IL1RAPL2: variants seen among roughly 807,000 people sequenced by gnomAD.
The protein encoded by IL1RAPL2 is interleukin 1 receptor accessory protein like 2, also known as X-linked interleukin-1 receptor accessory protein-like 2.
IL1RAPL2 carries 3 observed loss-of-function variants against 44.1 expected under a neutral mutation model. That is an observed-to-expected ratio of 0.07 (90% CI 0.03 to 0.18). The LOEUF (loss-of-function observed/expected upper bound fraction) is 0.18. Ranked by LOEUF, IL1RAPL2 falls within the 10% of genes least tolerant of loss-of-function variation. The pLI, the probability that IL1RAPL2 is intolerant of heterozygous loss-of-function variation, is 1.00. For synonymous variants in IL1RAPL2, 181 were observed against 178.8 expected, an observed-to-expected ratio of 1.01 and a Z score of -0.10; for missense variants, 391 against 496.4, an observed-to-expected ratio of 0.79 and a Z score of 2.02.
At chrX:105,618,772 A>G (rs1247419545) in intron 6 of IL1RAPL2, among the ~76,000 whole-genome samples, 1 of 112,277 alleles carries the variant, frequency 8.9e-6, no homozygotes, top group East Asian at 2.8e-4. Flanking sequence ...AGGGAATATC[A>G]GAGAATTATA....
chrX:104,844,629 A>G (rs1234526544), intron 2 of IL1RAPL2, among the ~76,000 whole-genome samples: 2 of 111,925 alleles, frequency 1.8e-5, no homozygotes, highest in African/African-American at 3.2e-5. Flanking sequence ...ACAGAAAACA[A>G]AAACACAAAA....
At chrX:105,531,689 G>T (rs2036637329) in intron 6 of IL1RAPL2, among the ~76,000 whole-genome samples, 1 of 111,696 alleles carries the variant, frequency 9.0e-6, no homozygotes, top group Non-Finnish European at 1.9e-5. Flanking sequence ...CATAGTTTGA[G>T]GTCTTAGATT....
chrX:105,133,073 A>G (rs778893895), intron 2 of IL1RAPL2, among the ~76,000 whole-genome samples: 3 of 112,187 alleles, frequency 2.7e-5, no homozygotes, highest in Admixed American at 9.4e-5. Context: ...TTTCTTTTAT[A>G]GCATCCACTG....
chrX:105,368,795 C>T (rs887144679), intron 5 of IL1RAPL2, among the ~76,000 whole-genome samples: 2 of 110,894 alleles, frequency 1.8e-5, no homozygotes, highest in African/African-American at 6.5e-5. Context: ...TTTCTCTCCT[C>T]CTTCGGGTAC....
chrX:105,300,204 T>C (rs893375277), intron 5 of IL1RAPL2, among the ~76,000 whole-genome samples: 7 of 111,283 alleles, frequency 6.3e-5, no homozygotes, highest in Middle Eastern at 9.2e-3. Flanking sequence ...GGGGGAAAAA[T>C]ACGTGAGACT....
At chrX:105,464,940 A>G (rs1470539861) in intron 5 of IL1RAPL2, among the ~76,000 whole-genome samples, 1 of 111,471 alleles carries the variant, frequency 9.0e-6, no homozygotes. Flanking sequence ...TATGGGGGAA[A>G]ATCAGAGTAC....
intron 6 of IL1RAPL2, among the ~76,000 whole-genome samples, chrX:105,574,621 T>C (rs909999844): frequency 2.7e-5 from 3 of 112,222 alleles, no homozygotes; most frequent in Middle Eastern, 4.6e-3. Context: ...TTCTTTTCCA[T>C]CAGGCAGAAA....
At chrX:105,749,795 A>G (rs1159077367) in intron 9 of IL1RAPL2, among the ~76,000 whole-genome samples, 1 of 111,984 alleles carries the variant, frequency 8.9e-6, no homozygotes, top group Non-Finnish European at 1.9e-5. Flanking sequence ...AATTTTTTTC[A>G]AGAGTACAAA....
chrX:105,406,173 T>C, intron 5 of IL1RAPL2: 2 of 1,159,427 alleles, frequency 1.7e-6, no homozygotes, highest in South Asian at 3.6e-5. Context: ...ATCAATTTGT[T>C]TCCCTGAATT....
chrX:105,189,949 G>A (rs1204966591), intron 2 of IL1RAPL2, among the ~76,000 whole-genome samples: 1 of 112,029 alleles, frequency 8.9e-6, no homozygotes, highest in Non-Finnish European at 1.9e-5. Context: ...AAGATTATAA[G>A]TTCTGTGTCT....
chrX:105,479,786 A>T (rs2147774139), intron 5 of IL1RAPL2, among the ~76,000 whole-genome samples: 1 of 110,218 alleles, frequency 9.1e-6, no homozygotes, highest in African/African-American at 3.3e-5. Flanking sequence ...AATAAAATAT[A>T]AAATAAATAA....
intron 1 of IL1RAPL2, among the ~76,000 whole-genome samples, chrX:104,585,394 AATATATAAT>A (rs1279830185): frequency 5.9e-4 from 14 of 23,600 alleles, no homozygotes; most frequent in African/African-American, 7.8e-4. Flanking sequence ...TATTATATAT[AATATATAAT>A]ATATATATAA....
At chrX:105,025,926 C>A (rs2031363228) in intron 2 of IL1RAPL2, among the ~76,000 whole-genome samples, 1 of 110,706 alleles carries the variant, frequency 9.0e-6, no homozygotes, top group African/African-American at 3.3e-5. Flanking sequence ...AAAGAAAGGC[C>A]CTGAGCATAG....
intron 3 of IL1RAPL2, among the ~76,000 whole-genome samples, chrX:105,228,598 T>C (rs1414646383): frequency 4.4e-5 from 5 of 112,544 alleles, no homozygotes; most frequent in African/African-American, 1.6e-4. Context: ...CATTAAACCT[T>C]TGGAATAGAA....
intron 6 of IL1RAPL2, among the ~76,000 whole-genome samples, chrX:105,668,411 A>G (rs899988597): frequency 6.2e-5 from 7 of 112,678 alleles, no homozygotes; most frequent in African/African-American, 1.9e-4. Flanking sequence ...AATCTACAAT[A>G]TAATAGGGGA....
At chrX:105,689,672 G>A (rs1380670845) in intron 6 of IL1RAPL2, among the ~76,000 whole-genome samples, 1 of 112,032 alleles carries the variant, frequency 8.9e-6, no homozygotes, top group African/African-American at 3.3e-5. Context: ...ATTCCTCTAG[G>A]ATCTAGAACT....
intron 2 of IL1RAPL2, among the ~76,000 whole-genome samples, chrX:104,932,429 T>C (rs1174652685): frequency 3.6e-5 from 4 of 110,750 alleles, no homozygotes; most frequent in South Asian, 3.8e-4. Context: ...CACACACACA[T>C]GATGAAAGAT....
chrX:105,238,540 G>C (rs1015337123), intron 4 of IL1RAPL2, among the ~76,000 whole-genome samples: 9 of 109,549 alleles, frequency 8.2e-5, no homozygotes, highest in Non-Finnish European at 1.7e-4. Flanking sequence ...TAACTTCTTA[G>C]TCTGGAACAT....
intron 2 of IL1RAPL2, among the ~76,000 whole-genome samples, chrX:104,792,608 A>G (rs1365549394): frequency 1.8e-5 from 2 of 111,595 alleles, no homozygotes; most frequent in African/African-American, 6.5e-5. Flanking sequence ...GAGACAAAGC[A>G]AAAATGCATA....
Sources: gnomAD v4.1 joint callset for allele counts (sites outside exome capture counted in the v4.1 genomes callset) on GRCh38, gnomAD v4.1.1 for gene constraint, MANE v1.5 for transcripts, NCBI Gene and HGNC (gene_info 2026-07-23, HGNC 2026-07-21) for gene names.